MEGF10: variants seen among roughly 807,000 people sequenced by gnomAD.
The protein encoded by MEGF10 is multiple epidermal growth factor-like domains protein 10.
In MEGF10, 86 loss-of-function variants were observed where a neutral mutation model predicts 147.5. The observed-to-expected ratio is 0.58, with a 90% CI of 0.49 to 0.70. The LOEUF (loss-of-function observed/expected upper bound fraction) is 0.70, where lower values mean the gene tolerates loss of function less well. MEGF10 is among the 30% of genes least tolerant of loss of function. The pLI is 0.00. For synonymous variants in MEGF10, 478 were observed against 525.5 expected, an observed-to-expected ratio of 0.91 and a Z score of 1.24; for missense variants, 1,329 against 1,487.3, an observed-to-expected ratio of 0.89 and a Z score of 1.75.
At chr5:127,236,411 G>A in the MEGF10 span, among the ~76,000 whole-genome samples, 12 of 152,318 alleles carry the variant, frequency 7.9e-5, no homozygotes, top group South Asian at 2.5e-3. Flanking sequence ...GTATGGCTGT[G>A]TTCAGTACAA....
the MEGF10 span, among the ~76,000 whole-genome samples, chr5:127,253,366 T>C: frequency 6.6e-6 from 1 of 151,982 alleles, no homozygotes; most frequent in South Asian, 2.1e-4. Context: ...AATATTCATG[T>C]TAGGGAAAAC....
At chr5:127,295,758 A>C (rs113788625) in intron 1 of MEGF10, among the ~76,000 whole-genome samples, 2,745 of 152,332 alleles carry the variant, frequency 0.018, 74 homozygotes, top group African/African-American at 0.055. Flanking sequence ...CAAACGAAGC[A>C]ATATTGAGGA....
chr5:127,372,589 C>T (rs1580778506), intron 5 of MEGF10, among the ~76,000 whole-genome samples: 1 of 152,226 alleles, frequency 6.6e-6, no homozygotes, highest in Non-Finnish European at 1.5e-5. Flanking sequence ...TGGTCTGTGA[C>T]AGTTTCTCAG....
intron 1 of MEGF10, among the ~76,000 whole-genome samples, chr5:127,315,811 C>A (rs139023407): frequency 6.6e-6 from 1 of 151,988 alleles, no homozygotes; most frequent in Non-Finnish European, 1.5e-5. Context: ...CTTTTTCTTT[C>A]TGTCTATATT....
intron 1 of MEGF10, among the ~76,000 whole-genome samples, chr5:127,317,388 C>G (rs965463281): frequency 3.3e-5 from 5 of 152,192 alleles, no homozygotes; most frequent in African/African-American, 7.2e-5. Context: ...GTCATGAAGT[C>G]TGTGCCCATG....
the MEGF10 span, among the ~76,000 whole-genome samples, chr5:127,254,466 T>C: frequency 1.1e-4 from 16 of 152,234 alleles, no homozygotes; most frequent in Non-Finnish European, 1.9e-4. Flanking sequence ...TTTTCATAGG[T>C]TAAAAGAGAT....
chr5:127,401,515 A>G (rs1764132642), intron 7 of MEGF10, among the ~76,000 whole-genome samples: 1 of 152,206 alleles, frequency 6.6e-6, no homozygotes, highest in Non-Finnish European at 1.5e-5. Flanking sequence ...TATGCTGTCC[A>G]GAATAAACAT....
At chr5:127,232,907 G>A in the MEGF10 span, among the ~76,000 whole-genome samples, 4 of 152,082 alleles carry the variant, frequency 2.6e-5, no homozygotes, top group African/African-American at 9.7e-5. Flanking sequence ...TGCTGTTGAG[G>A]CCTTGGACCC....
chr5:127,311,205 AC>A (rs1760275167), intron 1 of MEGF10, among the ~76,000 whole-genome samples: 1 of 152,190 alleles, frequency 6.6e-6, no homozygotes, highest in African/African-American at 2.4e-5. Flanking sequence ...TATTCTGTGT[AC>A]AAAAATCACC....
chr5:127,269,813 A>G, the MEGF10 span, among the ~76,000 whole-genome samples: 1 of 152,206 alleles, frequency 6.6e-6, no homozygotes, highest in Non-Finnish European at 1.5e-5. Context: ...GAGGGAAAAA[A>G]TGTTAAGGGC....
chr5:127,309,803 T>C (rs1760182894), intron 1 of MEGF10, among the ~76,000 whole-genome samples: 1 of 152,062 alleles, frequency 6.6e-6, no homozygotes, highest in Admixed American at 6.6e-5. Context: ...TTTGGGTATA[T>C]ATACCCAGAA....
chr5:127,412,183 T>C (rs1764596722), intron 9 of MEGF10, among the ~76,000 whole-genome samples: 1 of 152,246 alleles, frequency 6.6e-6, no homozygotes, highest in African/African-American at 2.4e-5. Context: ...AACACTAAAA[T>C]CTGTCTAATA....
At position 127,349,941 on chromosome 5, in the gene MEGF10, T is replaced by C. The variant is rs548598653; in HGVS notation, c.319+9311T>C. ...ATCTTTGGTCATTGAGATATGTAAA[T>C]ATTTTTGGCCTAAGTACCATGATAA... is the stretch of plus-strand genomic sequence containing the variant. On this transcript the variant is annotated intron_variant, in intron 4 of 24. Transcript: ENST00000503335. Among the ~76,000 whole-genome samples, 23 of 152,284 alleles carry C rather than the reference T, an allele frequency of 1.5e-4. 1 individual carries two copies. The highest frequency in any genetic ancestry group is 2.6e-4 in the Non-Finnish European group (18 of 68,006).
intron 1 of MEGF10, among the ~76,000 whole-genome samples, chr5:127,314,023 C>A (rs1351813723): frequency 6.6e-6 from 1 of 152,128 alleles, no homozygotes; most frequent in Non-Finnish European, 1.5e-5. Flanking sequence ...GTTGGCCAAC[C>A]AAGGGCGGCC....
At chr5:127,407,238 C>T (rs550913813) in intron 8 of MEGF10, among the ~76,000 whole-genome samples, 48 of 152,206 alleles carry the variant, frequency 3.2e-4, no homozygotes, top group African/African-American at 1.1e-3. Context: ...GCAGCTGATT[C>T]GTAGATTCCA....
At chr5:127,407,358 G>A (rs543065785) in intron 8 of MEGF10, among the ~76,000 whole-genome samples, 20 of 152,264 alleles carry the variant, frequency 1.3e-4, no homozygotes, top group African/African-American at 4.8e-4. Flanking sequence ...AGCGGTACCT[G>A]TCACCCCTTA....
At chr5:127,231,331 C>T in the MEGF10 span, among the ~76,000 whole-genome samples, 1 of 152,204 alleles carries the variant, frequency 6.6e-6, no homozygotes, top group Non-Finnish European at 1.5e-5. Context: ...TTGCTAGGGT[C>T]CCTCTCTTCT....
At chr5:127,293,574 G>A (rs1168097584) in intron 1 of MEGF10, among the ~76,000 whole-genome samples, 2 of 152,180 alleles carry the variant, frequency 1.3e-5, no homozygotes, top group South Asian at 4.1e-4. Flanking sequence ...TGATTCTAAT[G>A]CAAAACTCAA....
chr5:127,304,281 A>G (rs904756966), intron 1 of MEGF10, among the ~76,000 whole-genome samples: 1 of 152,174 alleles, frequency 6.6e-6, no homozygotes, highest in African/African-American at 2.4e-5. Context: ...AGTCTTTTGA[A>G]GCATCCTGGC....
Sources: allele counts gnomAD v4.1 joint callset (sites outside exome capture counted in the v4.1 genomes callset), GRCh38; gene constraint gnomAD v4.1.1; transcripts MANE v1.5; gene names NCBI Gene and HGNC (gene_info 2026-07-23, HGNC 2026-07-21).